Variants in LIPM observed in about 807,000 individuals in gnomAD.
The protein encoded by LIPM is lipase family member M, also known as lipase member M.
Under a neutral mutation model 42.4 loss-of-function variants are expected in LIPM, and 42 were observed. The ratio of observed to expected loss-of-function variants is 0.99; its 90% confidence interval spans 0.77 to 1.28. LIPM has a LOEUF of 1.28. Among genes scored for constraint, LIPM ranks in the 50% most tolerant of loss-of-function variants. LIPM has a pLI of 0.00. For missense variants in LIPM, 524 were observed against 520.1 expected, an observed-to-expected ratio of 1.01 and a Z score of -0.07; for synonymous variants, 177 against 173.3, an observed-to-expected ratio of 1.02 and a Z score of -0.17.
At position 88,815,257 on chromosome 10, in the gene LIPM, G is replaced by A. The variant is rs754883952; in HGVS notation, c.711+33G>A. 1.2e-5 allele frequency: 18 copies of A among 1,546,748 alleles called. No individual in the cohort carries two copies. The Admixed American group carries it at 1.2e-4, about 10-fold the overall frequency. On this transcript the variant is annotated intron_variant, in intron 5 of 8. Coordinates refer to ENST00000404743, the MANE Select transcript of LIPM (RefSeq NM_001128215.1). ...ACTCCTCAGAAAACTTCCTGTGTAC[G>A]TAGAAAAATCTTCCAGCCCAATTTC...
chr10:88,815,949 G>A (rs1218020811), intron 6 of LIPM, among the ~76,000 whole-genome samples: 1 of 152,162 alleles, frequency 6.6e-6, no homozygotes. Context: ...AGCATACTCT[G>A]AGATGGAGGT....
chr10:88,815,303 T>C (rs1843705418), intron 5 of LIPM, 54 bp from the exon 6 acceptor site: 1 of 1,547,666 alleles, frequency 6.5e-7, no homozygotes, highest in African/African-American at 1.4e-5. Context: ...AACTTTTAAA[T>C]TACAGTCACA....
chr10:88,810,024 T>C (rs1363139544), intron 2 of LIPM, among the ~76,000 whole-genome samples: 1 of 152,166 alleles, frequency 6.6e-6, no homozygotes, highest in Non-Finnish European at 1.5e-5. Context: ...CTTTTCCATA[T>C]AGCACTTACC....
intron 2 of LIPM, among the ~76,000 whole-genome samples, chr10:88,809,650 T>G (rs1843629902): frequency 6.6e-6 from 1 of 152,196 alleles, no homozygotes; most frequent in South Asian, 2.1e-4. Context: ...ATCAAATCTG[T>G]CTCTCTGCCA....
intron 3 of LIPM, among the ~76,000 whole-genome samples, chr10:88,813,759 G>A (rs567958551): frequency 2.6e-5 from 4 of 152,228 alleles, no homozygotes; most frequent in African/African-American, 7.2e-5. Context: ...ACAGTTCAGC[G>A]GGGCTGGGGA....
chr10:88,805,874 G>T (rs1236825259), intron 1 of LIPM: 2 of 436,996 alleles, frequency 4.6e-6, no homozygotes, highest in East Asian at 1.5e-4. Flanking sequence ...AGTAAGGAAA[G>T]AGATAAATCA....
At chr10:88,803,688 G>T (rs1204497549) in intron 1 of LIPM, among the ~76,000 whole-genome samples, 1 of 147,330 alleles carries the variant, frequency 6.8e-6, no homozygotes, top group African/African-American at 2.5e-5. Flanking sequence ...TCACCCTATG[G>T]TAACACTTAT....
At chr10:88,807,775 A>G (rs1424076363) in intron 1 of LIPM, among the ~76,000 whole-genome samples, 1 of 152,228 alleles carries the variant, frequency 6.6e-6, no homozygotes, top group African/African-American at 2.4e-5. Context: ...AGGAATGCTC[A>G]TAAGTTGTCC....
At chr10:88,814,718 C>G in intron 4 of LIPM, 79 bp downstream of exon 4, 1 of 1,062,018 alleles carries the variant, frequency 9.4e-7, no homozygotes, top group Non-Finnish European at 1.4e-6. Flanking sequence ...AAATCTGTCA[C>G]CTTGTGCTTC....
chr10:88,817,722 C>T (rs1843734027), intron 7 of LIPM, 103 bp from the exon 8 acceptor site: 1 of 736,672 alleles, frequency 1.4e-6, no homozygotes, highest in East Asian at 2.7e-5. Flanking sequence ...CCATTGCTCT[C>T]TCCTTCCCTC....
At chr10:88,811,962 G>A (rs1313462123) in intron 2 of LIPM, among the ~76,000 whole-genome samples, 1 of 152,072 alleles carries the variant, frequency 6.6e-6, no homozygotes, top group Non-Finnish European at 1.5e-5. Flanking sequence ...TTTGTCAATT[G>A]TCCCAAAGTC....
intron 8 of LIPM, 128 bp downstream of exon 8, chr10:88,818,024 T>G (rs1429399240): frequency 1.4e-6 from 1 of 733,142 alleles, no homozygotes; most frequent in Non-Finnish European, 2.2e-6. Flanking sequence ...TAATGGTTCA[T>G]GTTTGACTCC....
At chr10:88,807,818 C>A (rs954991153) in intron 1 of LIPM, among the ~76,000 whole-genome samples, 1 of 152,148 alleles carries the variant, frequency 6.6e-6, no homozygotes. Context: ...GCTTTAGAAC[C>A]ATCTTATCTG....
At chr10:88,803,888 A>T (rs1193013729) in intron 1 of LIPM, among the ~76,000 whole-genome samples, 1 of 152,156 alleles carries the variant, frequency 6.6e-6, no homozygotes, top group African/African-American at 2.4e-5. Flanking sequence ...CTAAACACAA[A>T]GTCTATAATT....
At chr10:88,820,203 T>C in intron 8 of LIPM, 29 bp from the exon 9 acceptor site, 1 of 1,515,824 alleles carries the variant, frequency 6.6e-7, no homozygotes, top group East Asian at 2.5e-5. Context: ...AAATGTTACC[T>C]AGAGTTAAGA....
chr10:88,813,106 C>T lies in LIPM; in HGVS notation c.275C>T (p.Pro92Leu), dbSNP rs995637095. 2 of 1,592,056 alleles carry T rather than the reference C, an allele frequency of 1.3e-6. No individual in the cohort carries two copies. Among genetic ancestry groups the T allele is most frequent in the African/African-American group, 1.3e-5 (1 of 74,086 alleles). Reference protein sequence around the residue: ...LVQPKKTGSRPVVLLQHGLVG... With the variant: ...LVQPKKTGSRLVVLLQHGLVG... ...TTTTCTCTTTTTGCAGGTTCCAGGCCTGTGGTGTTACTGCAGCATGGCCTA... is the reference window on the plus strand; with the variant it reads ...TTTTCTCTTTTTGCAGGTTCCAGGCTTGTGGTGTTACTGCAGCATGGCCTA... The change falls in exon 3 of 9, where the codon CCT becomes CTT. Residue 92 changes from proline (P) to leucine (L), a missense_variant. Coordinates refer to ENST00000404743, the MANE Select transcript of LIPM (RefSeq NM_001128215.1).
rs1843694016 is a variant in LIPM, at chr10:88,814,518, T to C, written c.465-12T>C. 4 of 1,522,068 alleles carry C rather than the reference T, an allele frequency of 2.6e-6. No homozygotes were observed. The highest frequency in any genetic ancestry group is 3.6e-6 in the Non-Finnish European group (4 of 1,120,498). 94.3% of individuals were successfully genotyped at this position (1,522,068 alleles called of 1,614,324 possible). A position where few individuals can be genotyped will look rare whatever the true frequency, so the allele number is the denominator to read the frequency against. On this transcript the variant is annotated splice_polypyrimidine_tract_variant and intron_variant, in intron 3 of 8. Transcript: ENST00000404743. Reference sequence around the variant, plus strand: ...ATAATTTTTCATATAACTTTGTCTTTTCCCCTTGTAGTTATGATGAGATGG... The same window carrying C: ...ATAATTTTTCATATAACTTTGTCTTCTCCCCTTGTAGTTATGATGAGATGG...
Position 88,803,069 on chromosome 10 carries a change from G to A in LIPM, c.147+26G>A, listed in dbSNP as rs755810500. On this transcript the variant is annotated intron_variant, in intron 1 of 8. Coordinates refer to ENST00000404743, the MANE Select transcript of LIPM (RefSeq NM_001128215.1). ...GTAAGTTGGGATTTCTGGGAAATGA[G>A]GTACTTAACATGTTAACGTTTGTAT... is the stretch of plus-strand genomic sequence containing the variant. 5 of 1,546,692 alleles carry A rather than the reference G, an allele frequency of 3.2e-6. No homozygotes were observed. The African/African-American group carries it at 5.5e-5, about 17-fold the overall frequency.
At position 88,820,260 on chromosome 10, in the gene LIPM, A is replaced by C; in HGVS notation, c.1031A>C (p.Asp344Ala). Residue 344 changes from aspartate to alanine, a missense_variant, in exon 9 of 9, where the codon GAT becomes GCT. Coordinates refer to ENST00000404743, the MANE Select transcript of LIPM (RefSeq NM_001128215.1). ...ACTCCTGTAAGGTACAGAGTCAGAG[A>C]TATGACGGTCCCTACAGCAATGTGG... is the stretch of plus-strand genomic sequence containing the variant. ...QPTPVRYRVR[D>A]MTVPTAMWTG... 4.5e-6 allele frequency: 7 copies of C among 1,551,730 alleles called. No homozygotes were observed. The highest frequency in any genetic ancestry group is 5.2e-6 in the Non-Finnish European group (6 of 1,147,018).
Sources: gnomAD v4.1 joint callset for allele counts (sites outside exome capture counted in the v4.1 genomes callset) on GRCh38, gnomAD v4.1.1 for gene constraint, MANE v1.5 for transcripts, NCBI Gene and HGNC (gene_info 2026-07-23, HGNC 2026-07-21) for gene names.